Variants in AGAP1 observed in about 807,000 individuals in gnomAD.
AGAP1 encodes ArfGAP with GTPase domain, ankyrin repeat and PH domain 1, also known as arf-GAP with GTPase, ANK repeat and PH domain-containing protein 1.
AGAP1 carries 29 observed loss-of-function variants against 105.3 expected under a neutral mutation model. The ratio of observed to expected loss-of-function variants is 0.28; its 90% CI spans 0.21 to 0.38. AGAP1 has a LOEUF of 0.38. Among genes scored for constraint, AGAP1 ranks in the 10% least tolerant of loss-of-function variants. The pLI, the probability that AGAP1 is intolerant of heterozygous loss-of-function variation, is 1.00. For missense variants in AGAP1, 998 were observed against 1,165.1 expected (o/e 0.86, Z 2.09); for synonymous variants, 509 against 485.9 (o/e 1.05, Z -0.63).
rs2058040610 is a variant in AGAP1 at position 236,055,929 on chromosome 2, A to C, written c.2114+6648A>C. ...CAGTTTACTAGAGCTCAGGGCCCGG[A>C]TCAGAAATATTCTGCTATAAATATT... On this transcript the variant is annotated intron_variant, in intron 16 of 17. Coordinates refer to ENST00000304032, the MANE Select transcript of AGAP1 (RefSeq NM_001037131.3). This position sits in a 1 kb window ranked among gnomAD's most constrained non-coding sequence, Gnocchi z 6.2. Among the ~76,000 whole-genome samples the C allele has an allele frequency of 1.3e-5, 2 of 152,216 alleles. No homozygotes were observed. Among genetic ancestry groups the C allele is most frequent in the Non-Finnish European group, 2.9e-5 (2 of 68,036 alleles).
At chr2:235,890,434 G>A (rs1383846494) in intron 10 of AGAP1, among the ~76,000 whole-genome samples, 2 of 152,218 alleles carry the variant, frequency 1.3e-5, no homozygotes, top group Non-Finnish European at 2.9e-5. Flanking sequence ...TTATAGGCAT[G>A]AGCCACTCTG....
intron 1 of AGAP1, among the ~76,000 whole-genome samples, chr2:235,529,124 T>C (rs1942955957): frequency 6.6e-6 from 1 of 152,254 alleles, no homozygotes; most frequent in Non-Finnish European, 1.5e-5. Context: ...GCCACACCTC[T>C]GCTGCCTGGT....
intron 1 of AGAP1, among the ~76,000 whole-genome samples, chr2:235,703,807 G>A (rs1324251051): frequency 6.6e-6 from 1 of 152,098 alleles, no homozygotes. Flanking sequence ...ATGTTGACGA[G>A]GCTAGTCTGG....
chr2:235,508,579 AGGAGGCAC>A (rs1941936954), intron 1 of AGAP1, among the ~76,000 whole-genome samples: 1 of 152,154 alleles, frequency 6.6e-6, no homozygotes, highest in Non-Finnish European at 1.5e-5. Flanking sequence ...TTACATGAGG[AGGAGGCAC>A]GGAGGCAAGC....
rs1294985329 is a variant in AGAP1 at position 235,725,607 on chromosome 2, C to T, written c.310+7963C>T. Among the ~76,000 whole-genome samples the T allele has an allele frequency of 6.6e-6, 1 of 151,922 alleles. No homozygotes were observed. On this transcript the variant is annotated intron_variant, in intron 3 of 17. Transcript: ENST00000304032. This position sits in a 1 kb window ranked among gnomAD's most constrained non-coding sequence, Gnocchi z 5.7. The stretch of plus-strand genomic sequence containing the variant: ...ACCTCAATTTGACCGTTAGTTGCAA[C>T]CAAGTGATTATAAACACATGATAAT...
intron 6 of AGAP1, among the ~76,000 whole-genome samples, chr2:235,771,541 C>T (rs1374656885): frequency 1.3e-5 from 2 of 152,186 alleles, no homozygotes; most frequent in Non-Finnish European, 2.9e-5. Context: ...AACTGGTGGC[C>T]GTGTGTTCAC....
Position 235,720,672 on chromosome 2 carries a change from G to T in AGAP1, c.310+3028G>T, listed in dbSNP as rs563396004. ...AGATAGTTCCTTGGATTCTCCCTGC[G>T]CTTCTTAATGTCTGTGCCCTGTTCT... On this transcript the variant is annotated intron_variant, in intron 3 of 17. Transcript: ENST00000304032. The surrounding 1 kb of genome is among the most constrained non-coding windows in gnomAD (Gnocchi z 5.0). 1.0e-6 allele frequency: 1 copy of T among 985,254 alleles called. No individual in the cohort carries two copies. The highest frequency in any genetic ancestry group is 1.7e-5 in the African/African-American group (1 of 57,224). The allele number at this position is 985,254 out of a possible 1,614,324, so 61.0% of individuals were successfully genotyped here.
chr2:235,998,561 T>G (rs1236172361), intron 13 of AGAP1, among the ~76,000 whole-genome samples: 1 of 150,808 alleles, frequency 6.6e-6, no homozygotes, highest in Non-Finnish European at 1.5e-5. Flanking sequence ...GATAATACTT[T>G]AAGGCCAACT....
rs2059713413 is a variant in AGAP1 at position 236,114,057 on chromosome 2, T to C, written c.2115-6135T>C. On this transcript the variant is annotated intron_variant, in intron 16 of 17. Transcript: ENST00000304032. This position sits in a 1 kb window ranked among gnomAD's most constrained non-coding sequence, Gnocchi z 5.0. ...TATTTAAAGGTGTGTCAGCACCACA[T>C]CAAATGAGGAACTGGGCCCCCTCCT... Among the ~76,000 whole-genome samples the C allele has an allele frequency of 6.6e-6, 1 of 152,126 alleles. No individual in the cohort carries two copies. The highest frequency in any genetic ancestry group is 1.5e-5 in the Non-Finnish European group (1 of 68,042).
rs774820474 is a variant in AGAP1 at position 235,896,256 on chromosome 2, TC to T, written c.1156-12480del. On this transcript the variant is annotated intron_variant, in intron 10 of 17. Transcript: ENST00000304032. The stretch of plus-strand genomic sequence containing the variant: ...TTTAACATTATGTCCTCAAGATTCT[TC>T]CAGTTGTAGTGTGTGTCAGAATTTC... Among the ~76,000 whole-genome samples, 83 of 152,212 alleles carry T rather than the reference TC, an allele frequency of 5.5e-4. 1 individual carries two copies. The highest frequency in any genetic ancestry group is 4.1e-4 in the Non-Finnish European group (28 of 68,042).
At chr2:235,762,483 G>C (rs1235938570) in intron 6 of AGAP1, among the ~76,000 whole-genome samples, 3 of 152,172 alleles carry the variant, frequency 2.0e-5, no homozygotes, top group Non-Finnish European at 4.4e-5. Context: ...GAAGCGTTGT[G>C]ACGAGGAGAG....
intron 9 of AGAP1, among the ~76,000 whole-genome samples, chr2:235,846,652 T>G (rs1381871644): frequency 6.6e-6 from 1 of 152,074 alleles, no homozygotes; most frequent in Non-Finnish European, 1.5e-5. Context: ...TAAATAATTT[T>G]TTGTTGTTGT....
chr2:236,127,972 C>T lies in AGAP1; in HGVS notation c.*3850C>T, dbSNP rs2060027640. 1 of 152,258 alleles carries T rather than the reference C, an allele frequency of 6.6e-6. No homozygotes were observed. The highest frequency in any genetic ancestry group is 6.5e-5 in the Admixed American group (1 of 15,268). 9.4% of individuals were successfully genotyped at this position (152,258 alleles called of 1,614,324 possible). On this transcript the variant is annotated 3_prime_UTR_variant, in exon 18 of 18. Coordinates refer to ENST00000304032, the MANE Select transcript of AGAP1 (RefSeq NM_001037131.3). This position sits in a 1 kb window ranked among gnomAD's most constrained non-coding sequence, Gnocchi z 6.6. ...CAGGAGCACTTGTTAATAACAGAAA[C>T]ACTGATGGGACCGAAGCCAGTGCAC...
intron 16 of AGAP1, among the ~76,000 whole-genome samples, chr2:236,070,077 G>A (rs896081380): frequency 2.0e-5 from 3 of 152,238 alleles, no homozygotes; most frequent in South Asian, 4.1e-4. Context: ...TGGCTGTGGC[G>A]CTGTATGAGA....
At position 235,608,637 on chromosome 2, in the gene AGAP1, G is replaced by C. The variant is rs551570654; in HGVS notation, c.164-100542G>C. ...GGACGCATCCAGGGTCCCAGGCCCA[G>C]AAAACAGTGGAGCCAAGAGAGGAAC... On this transcript the variant is annotated intron_variant, in intron 1 of 17. Coordinates refer to ENST00000304032, the MANE Select transcript of AGAP1 (RefSeq NM_001037131.3). This position sits in a 1 kb window ranked among gnomAD's most constrained non-coding sequence, Gnocchi z 5.4. Among the ~76,000 whole-genome samples, 10 of 152,332 alleles carry C rather than the reference G, an allele frequency of 6.6e-5. No individual in the cohort carries two copies. The highest frequency in any genetic ancestry group is 2.2e-4 in the African/African-American group (9 of 41,570).
At chr2:235,790,397 C>T (rs947355131) in intron 6 of AGAP1, among the ~76,000 whole-genome samples, 1 of 152,124 alleles carries the variant, frequency 6.6e-6, no homozygotes, top group African/African-American at 2.4e-5. Flanking sequence ...ATGTGTGCTT[C>T]TCGGGAAACC....
chr2:235,669,948 CA>C (rs1948285847), intron 1 of AGAP1: 1 of 166,722 alleles, frequency 6.0e-6, no homozygotes, highest in Admixed American at 6.5e-5. Flanking sequence ...CGGCGGGTGC[CA>C]GGGGCGCCGT....
intron 1 of AGAP1, among the ~76,000 whole-genome samples, chr2:235,629,553 C>G (rs1316863936): frequency 6.6e-6 from 1 of 151,808 alleles, no homozygotes; most frequent in Non-Finnish European, 1.5e-5. Context: ...ATGGGGACTT[C>G]ATGAGGTATT....
chr2:235,916,453 C>T (rs886980448), intron 11 of AGAP1, among the ~76,000 whole-genome samples: 2 of 152,206 alleles, frequency 1.3e-5, no homozygotes, highest in Non-Finnish European at 2.9e-5. Flanking sequence ...GAAGCTGTAT[C>T]CACATGTAAC....
Sources: allele counts gnomAD v4.1 joint callset (sites outside exome capture counted in the v4.1 genomes callset), GRCh38; gene constraint gnomAD v4.1.1; non-coding constraint Gnocchi (gnomAD v3.1); transcripts MANE v1.5; gene names NCBI Gene and HGNC (gene_info 2026-07-23, HGNC 2026-07-21).